PRDM1: variants seen among roughly 807,000 people sequenced by gnomAD.
PRDM1 encodes PR domain zinc finger protein 1.
In PRDM1, 13 loss-of-function variants were observed where a neutral mutation model predicts 62.8. The ratio of observed to expected loss-of-function variants is 0.21; its 90% CI spans 0.13 to 0.33. The LOEUF (loss-of-function observed/expected upper bound fraction) is 0.33, where lower values mean the gene tolerates loss of function less well. PRDM1 is among the 10% of genes least tolerant of loss of function. The pLI, the probability that PRDM1 is intolerant of heterozygous loss-of-function variation, is 1.00. For missense variants in PRDM1, 895 were observed against 1,058.8 expected (o/e 0.85, Z 2.15); for synonymous variants, 396 against 417.6 (o/e 0.95, Z 0.63).
At chr6:106,058,294 A>T (rs1028115828) in intron 1 of PRDM1, among the ~76,000 whole-genome samples, 3 of 152,184 alleles carry the variant, frequency 2.0e-5, no homozygotes, top group Non-Finnish European at 4.4e-5. Flanking sequence ...GTTGCAGACA[A>T]CTTCTCACTT....
intron 3 of PRDM1, chr6:106,098,658 G>A (rs771759072): frequency 6.7e-6 from 9 of 1,344,730 alleles, no homozygotes; most frequent in South Asian, 3.7e-5. Flanking sequence ...GCTGCTGCCC[G>A]AGTGTTCGCT....
At chr6:106,065,979 T>A (rs1220187070) in intron 1 of PRDM1, among the ~76,000 whole-genome samples, 1 of 152,228 alleles carries the variant, frequency 6.6e-6, no homozygotes. Context: ...TAATACAACA[T>A]TGAAAGGCAG....
At chr6:106,011,198 G>A (rs1272419334) in intron 1 of PRDM1, among the ~76,000 whole-genome samples, 1 of 152,006 alleles carries the variant, frequency 6.6e-6, no homozygotes, top group African/African-American at 2.4e-5. Context: ...AGATATTACC[G>A]AAGATGTACC....
chr6:106,098,630 A>G, intron 3 of PRDM1: 1 of 1,327,680 alleles, frequency 7.5e-7, no homozygotes, highest in Non-Finnish European at 1.0e-6. Flanking sequence ...CTTCTCAGTA[A>G]TAGACTGTCA....
Position 106,065,989 on chromosome 6 carries a change from GCCTTGC to G in PRDM1, c.-67+17284_-67+17289del, listed in dbSNP as rs555402860. Among the ~76,000 whole-genome samples, 494 of 152,290 alleles carry G rather than the reference GCCTTGC, an allele frequency of 3.2e-3. 1 individual carries two copies. Among genetic ancestry groups the G allele is most frequent in the African/African-American group, 0.012 (480 of 41,556 alleles). The stretch of plus-strand genomic sequence containing the variant: ...TGTATTAATACAACATTGAAAGGCA[GCCTTGC>G]CCTTGCCCATGGAAGCTGAGCCTGT... On this transcript the variant is annotated intron_variant, in intron 1 of 6. Coordinates refer to the PRDM1 transcript ENST00000651185.
chr6:106,090,976 A>G (rs2114623058), intron 2 of PRDM1, among the ~76,000 whole-genome samples: 1 of 152,158 alleles, frequency 6.6e-6, no homozygotes, highest in South Asian at 2.1e-4. Context: ...TGCACCTTTA[A>G]TGAAAAACTG....
At chr6:106,006,140 G>A (rs1772479154) in intron 1 of PRDM1, among the ~76,000 whole-genome samples, 1 of 152,224 alleles carries the variant, frequency 6.6e-6, no homozygotes, top group South Asian at 2.1e-4. Flanking sequence ...GTATTCTGGG[G>A]ACAGCAGGAA....
At chr6:106,016,318 T>G (rs188654270) in intron 1 of PRDM1, among the ~76,000 whole-genome samples, 1 of 152,162 alleles carries the variant, frequency 6.6e-6, no homozygotes, top group Non-Finnish European at 1.5e-5. Context: ...TGTTTTATAC[T>G]TATGATGTAT....
chr6:106,087,462 C>T (rs1428358872), intron 1 of PRDM1: 1 of 231,902 alleles, frequency 4.3e-6, no homozygotes, highest in African/African-American at 2.2e-5. Context: ...GTATGAGATG[C>T]TTGCAAGTCA....
chr6:105,998,867 A>G (rs920549393), intron 1 of PRDM1, among the ~76,000 whole-genome samples: 5 of 147,760 alleles, frequency 3.4e-5, no homozygotes, highest in African/African-American at 1.2e-4. Flanking sequence ...ATTGTTTTGC[A>G]TTGGGATTTT....
intron 1 of PRDM1, among the ~76,000 whole-genome samples, chr6:106,074,186 C>T (rs1354034024): frequency 6.6e-6 from 1 of 152,182 alleles, no homozygotes; most frequent in African/African-American, 2.4e-5. Context: ...CATTCCATTT[C>T]CAGAGCTTTT....
intron 1 of PRDM1, among the ~76,000 whole-genome samples, chr6:105,997,131 T>C (rs1772358139): frequency 6.6e-6 from 1 of 152,194 alleles, no homozygotes; most frequent in African/African-American, 2.4e-5. Flanking sequence ...GGGTAAAAAG[T>C]GGAAGACCAG....
At chr6:106,083,154 G>T (rs937964763), upstream of PRDM1, among the ~76,000 whole-genome samples, 1 of 142,486 alleles carries the variant, frequency 7.0e-6, no homozygotes, top group South Asian at 2.3e-4. Flanking sequence ...CTTACAGTTG[G>T]TCCCCAAATG....
In PRDM1 at chr6:106,105,039, C is replaced by T. The variant is rs769167487; in HGVS notation, c.879C>T (p.Phe293=). 1.9e-6 allele frequency: 3 copies of T among 1,614,190 alleles called. No individual in the cohort carries two copies. Among genetic ancestry groups the T allele is most frequent in the East Asian group, 4.5e-5 (2 of 44,878 alleles). The part of the protein sequence containing the change: ...FRRRGSPEMP[F]YPRVVYPIRA... Reference sequence around the variant, plus strand: ...GACGTGGGAGCCCCGAAATGCCCTTCTACCCTCGGGTCGTTTACCCCATCC... The same window carrying T: ...GACGTGGGAGCCCCGAAATGCCCTTTTACCCTCGGGTCGTTTACCCCATCC... Residue 293 remains phenylalanine, a synonymous_variant, in exon 5 of 7, where the codon TTC becomes TTT. Transcript: ENST00000369096.
rs559707310 is a variant in PRDM1, at chr6:106,013,430, C to T, written c.-67+19791C>T. Among the ~76,000 whole-genome samples, 13 of 151,276 alleles carry T rather than the reference C, an allele frequency of 8.6e-5. No homozygotes were observed. The East Asian group carries it at 9.8e-4, about 11-fold the overall frequency. The stretch of plus-strand genomic sequence containing the variant: ...GCAACCTCCACCTCCCGGGTTCAAG[C>T]GATTCTCATGCCTCAGCCTCCCGAG... On this transcript the variant is annotated intron_variant, in intron 1 of 6. Transcript: ENST00000652320.
chr6:106,060,073 T>C (rs1773323438), intron 1 of PRDM1, among the ~76,000 whole-genome samples: 2 of 152,168 alleles, frequency 1.3e-5, no homozygotes, highest in African/African-American at 4.8e-5. Flanking sequence ...AGGCTGGAGA[T>C]GAAAATCAGG....
Position 106,105,211 on chromosome 6 carries a change from A to G in PRDM1, c.1051A>G (p.Ser351Gly). Residue 351 changes from serine (S) to glycine (G), a missense_variant, in exon 5 of 7, where the codon AGC (serine) becomes GGC (glycine). By Grantham distance (56) the Ser-to-Gly change is moderately conservative. Transcript: ENST00000369096. Reference sequence around the variant, plus strand: ...CCCCGACCAAAGCCTCAAGAGCTCCAGCCCTCACAGCAGCCCTGGGAATAC... The same window carrying G: ...CCCCGACCAAAGCCTCAAGAGCTCCGGCCCTCACAGCAGCCCTGGGAATAC... ...SSPDQSLKSS[S>G]PHSSPGNTVS... 6.2e-7 allele frequency: 1 copy of G among 1,613,748 alleles called. No individual in the cohort carries two copies. The highest frequency in any genetic ancestry group is 8.5e-7 in the Non-Finnish European group (1 of 1,179,980).
At chr6:106,093,581 GA>G (rs1169917502) in intron 2 of PRDM1, among the ~76,000 whole-genome samples, 1 of 152,100 alleles carries the variant, frequency 6.6e-6, no homozygotes, top group Non-Finnish European at 1.5e-5. Flanking sequence ...GCATGTCATA[GA>G]ATTCAATTCC....
chr6:106,052,649 T>G (rs1562153849), intron 1 of PRDM1, among the ~76,000 whole-genome samples: 1 of 152,032 alleles, frequency 6.6e-6, no homozygotes, highest in Non-Finnish European at 1.5e-5. Flanking sequence ...ACGTCTCAAC[T>G]AGATGAGTAA....
Sources: gnomAD v4.1 joint callset for allele counts (sites outside exome capture counted in the v4.1 genomes callset) on GRCh38, gnomAD v4.1.1 for gene constraint, MANE v1.5 for transcripts, NCBI Gene and HGNC (gene_info 2026-07-23, HGNC 2026-07-21) for gene names.